The following CYYR1 variants were observed in gnomAD, a reference collection of about 807,000 sequenced individuals.
CYYR1 encodes cysteine and tyrosine rich 1.
CYYR1 carries 14 observed loss-of-function variants against 15.2 expected under a neutral mutation model. That is an observed-to-expected ratio of 0.92 (90% CI 0.61 to 1.44). CYYR1 has a LOEUF of 1.44. CYYR1 is among the 40% of genes most tolerant of loss of function. The pLI, the probability that CYYR1 is intolerant of heterozygous loss-of-function variation, is 0.00. For synonymous variants in CYYR1, 80 were observed against 77.4 expected (o/e 1.03, Z -0.18); for missense variants, 228 against 209.5 (o/e 1.09, Z -0.54).
chr21:26,533,562 A>G (rs1180458999), intron 2 of CYYR1, among the ~76,000 whole-genome samples: 5 of 152,056 alleles, frequency 3.3e-5, no homozygotes, highest in African/African-American at 9.7e-5. Flanking sequence ...GAGGATGTCC[A>G]CTCACATTGG....
chr21:26,542,404 C>T (rs1028499500), intron 2 of CYYR1, among the ~76,000 whole-genome samples: 14 of 151,528 alleles, frequency 9.2e-5, no homozygotes, highest in African/African-American at 3.4e-4. Flanking sequence ...TTACAAGAGA[C>T]CTAAACATGC....
chr21:26,498,800 G>A (rs1222694761), intron 2 of CYYR1, among the ~76,000 whole-genome samples: 1 of 152,150 alleles, frequency 6.6e-6, no homozygotes, highest in Non-Finnish European at 1.5e-5. Context: ...CATGGCGGCA[G>A]GAGACAGAAG....
chr21:26,538,295 T>A (rs1219520508), intron 2 of CYYR1, among the ~76,000 whole-genome samples: 1 of 152,180 alleles, frequency 6.6e-6, no homozygotes, highest in Non-Finnish European at 1.5e-5. Flanking sequence ...CTTCCAATCT[T>A]TGAGTTTTTC....
chr21:26,566,191 T>C, intron 2 of CYYR1, 75 bp downstream of exon 2: 2 of 1,080,378 alleles, frequency 1.9e-6, no homozygotes, highest in Non-Finnish European at 2.8e-6. Flanking sequence ...TATCACTTAG[T>C]ACTTTTAAAA....
intron 2 of CYYR1, among the ~76,000 whole-genome samples, chr21:26,555,653 A>G (rs1979721532): frequency 6.6e-6 from 1 of 152,172 alleles, no homozygotes; most frequent in African/African-American, 2.4e-5. Flanking sequence ...CCATCGGCTA[A>G]ATAGCTGAGG....
chr21:26,479,635 A>G (rs1340376306), intron 3 of CYYR1, among the ~76,000 whole-genome samples: 1 of 152,104 alleles, frequency 6.6e-6, no homozygotes, highest in Non-Finnish European at 1.5e-5. Context: ...TATTTGTCAA[A>G]TTATTAATAT....
chr21:26,470,604 C>G (rs1026370343), intron 3 of CYYR1: 2 of 152,422 alleles, frequency 1.3e-5, no homozygotes, highest in Admixed American at 1.3e-4. Context: ...TGTAAATTTC[C>G]TGAGGACTCG....
chr21:26,569,547 T>C (rs1315150390), intron 1 of CYYR1, among the ~76,000 whole-genome samples: 1 of 152,138 alleles, frequency 6.6e-6, no homozygotes, highest in Non-Finnish European at 1.5e-5. Flanking sequence ...TCACAAAATA[T>C]ACCCAGGTAA....
chr21:26,570,199 A>T (rs1470864429), intron 1 of CYYR1, among the ~76,000 whole-genome samples: 1 of 152,176 alleles, frequency 6.6e-6, no homozygotes, highest in Non-Finnish European at 1.5e-5. Flanking sequence ...GATAAATAAT[A>T]TTACTTCTAA....
chr21:26,522,169 A>G (rs1286869803), intron 2 of CYYR1, among the ~76,000 whole-genome samples: 1 of 152,246 alleles, frequency 6.6e-6, no homozygotes, highest in Non-Finnish European at 1.5e-5. Flanking sequence ...AAAATTGGCA[A>G]TATGGACAAT....
intron 2 of CYYR1, among the ~76,000 whole-genome samples, chr21:26,482,860 T>C (rs967563043): frequency 1.3e-5 from 2 of 152,058 alleles, no homozygotes; most frequent in African/African-American, 4.8e-5. Flanking sequence ...CTTTTTACTC[T>C]TGGTATTCTA....
chr21:26,476,878 T>C (rs1338164114), intron 3 of CYYR1, among the ~76,000 whole-genome samples: 1 of 152,188 alleles, frequency 6.6e-6, no homozygotes, highest in Non-Finnish European at 1.5e-5. Context: ...ACTGAAGTTC[T>C]GAAAAGTAGT....
chr21:26,535,837 T>C (rs1421411229), intron 2 of CYYR1, among the ~76,000 whole-genome samples: 1 of 152,158 alleles, frequency 6.6e-6, no homozygotes, highest in Non-Finnish European at 1.5e-5. Flanking sequence ...AACTTACTTA[T>C]GCAGTGAAAC....
intron 2 of CYYR1, among the ~76,000 whole-genome samples, chr21:26,497,164 C>T (rs964866226): frequency 3.3e-5 from 5 of 152,074 alleles, no homozygotes; most frequent in African/African-American, 7.2e-5. Context: ...TTAAAACATC[C>T]TCATATTTGG....
intron 2 of CYYR1, among the ~76,000 whole-genome samples, chr21:26,498,831 G>A (rs1289242344): frequency 6.6e-6 from 1 of 152,040 alleles, no homozygotes; most frequent in Non-Finnish European, 1.5e-5. Context: ...AGGGGGAAAA[G>A]CCCCTTATAG....
chr21:26,502,795 A>C (rs1481589378), intron 2 of CYYR1, among the ~76,000 whole-genome samples: 1 of 151,750 alleles, frequency 6.6e-6, no homozygotes, highest in Non-Finnish European at 1.5e-5. Flanking sequence ...GTTGGAGAAG[A>C]GATTTTTTAA....
chr21:26,483,639 C>T (rs776549013), intron 2 of CYYR1, among the ~76,000 whole-genome samples: 3 of 152,122 alleles, frequency 2.0e-5, no homozygotes, highest in Non-Finnish European at 4.4e-5. Flanking sequence ...AGGATATGAA[C>T]TTTCATGAAA....
At chr21:26,535,561 TA>T (rs1601803721) in intron 2 of CYYR1, among the ~76,000 whole-genome samples, 1 of 152,236 alleles carries the variant, frequency 6.6e-6, no homozygotes, top group African/African-American at 2.4e-5. Flanking sequence ...AAATTTTTAT[TA>T]ATACCTAGCC....
At chr21:26,525,388 A>G (rs990819971) in intron 2 of CYYR1, among the ~76,000 whole-genome samples, 7 of 152,140 alleles carry the variant, frequency 4.6e-5, no homozygotes, top group Non-Finnish European at 1.5e-5. Context: ...CAGCCCCATA[A>G]TAGCTCAAAG....
Sources: gnomAD v4.1 joint callset for allele counts (sites outside exome capture counted in the v4.1 genomes callset) on GRCh38, gnomAD v4.1.1 for gene constraint, MANE v1.5 for transcripts, NCBI Gene and HGNC (gene_info 2026-07-23, HGNC 2026-07-21) for gene names.